Variants in CCNH observed in about 807,000 individuals in gnomAD.
CCNH encodes cyclin-H.
In CCNH, 31 loss-of-function variants were observed where a neutral mutation model predicts 41.9. The ratio of observed to expected loss-of-function variants is 0.74; its 90% CI spans 0.56 to 1.00. CCNH has a LOEUF of 1.00. Among genes scored for constraint, CCNH ranks in the 50% least tolerant of loss-of-function variants. CCNH has a pLI of 0.00. For missense variants in CCNH, 362 were observed against 388.4 expected, an observed-to-expected ratio of 0.93 and a Z score of 0.57; for synonymous variants, 138 against 136.1, an observed-to-expected ratio of 1.01 and a Z score of -0.10.
At chr5:87,371,410 G>A (rs1412011895), downstream of CCNH, among the ~76,000 whole-genome samples, 1 of 152,004 alleles carries the variant, frequency 6.6e-6, no homozygotes, top group Non-Finnish European at 1.5e-5. Flanking sequence ...TAAAGCAATA[G>A]TACACAGCTT....
chr5:87,363,462 G>A, intron 9 of CCNH: 4 of 1,612,610 alleles, frequency 2.5e-6, no homozygotes, highest in Non-Finnish European at 3.4e-6. Context: ...ATAGATCTCA[G>A]TGTATGTTCT....
chr5:87,344,759 T>G (rs7700302), intron 9 of CCNH, among the ~76,000 whole-genome samples: 4,813 of 150,202 alleles, frequency 0.032, 159 homozygotes, highest in African/African-American at 0.075. Context: ...CCTCAAGTGA[T>G]CCTCCCACCT....
downstream of CCNH, chr5:87,389,470 T>A: frequency 6.2e-7 from 1 of 1,614,100 alleles, no homozygotes; most frequent in East Asian, 2.2e-5. Context: ...TGCATGAGAT[T>A]TGCGTGGCTC....
chr5:87,372,035 A>T, downstream of CCNH: 1 of 1,114,644 alleles, frequency 9.0e-7, no homozygotes. Context: ...AAATTGTTGA[A>T]TTTGAAAAAA....
chr5:87,357,566 G>A (rs1425449230), intron 9 of CCNH, among the ~76,000 whole-genome samples: 1 of 152,126 alleles, frequency 6.6e-6, no homozygotes, highest in Non-Finnish European at 1.5e-5. Context: ...TTAGCTGGGT[G>A]TGGTGACATG....
chr5:87,335,428 T>C lies in CCNH; in HGVS notation c.*91-16531A>G, dbSNP rs540858694. Among the ~76,000 whole-genome samples the C allele has an allele frequency of 3.5e-5, 5 of 142,792 alleles. No homozygotes were observed. The East Asian group carries it at 1.0e-3, about 29-fold the overall frequency. The allele number at this position is 142,792 out of a possible 152,430, so 93.7% of individuals were successfully genotyped here. A position where few individuals can be genotyped will look rare whatever the true frequency, so the allele number is the denominator to read the frequency against. Reference sequence around the variant, plus strand: ...GATAATAAAGAATGAGGTTTTTTTTTTTTTTTTTTTTTTTTTGTGACAGTT... The same window carrying C: ...GATAATAAAGAATGAGGTTTTTTTTCTTTTTTTTTTTTTTTTGTGACAGTT... On this transcript the variant is annotated intron_variant and NMD_transcript_variant, in intron 9 of 9. Coordinates refer to the CCNH transcript ENST00000645953.
intron 7 of CCNH, 149 bp from the exon 8 acceptor site, chr5:87,395,253 A>G: frequency 1.8e-6 from 1 of 548,876 alleles, no homozygotes; most frequent in Non-Finnish European, 3.2e-6. Flanking sequence ...GCTATGGGGT[A>G]GGGAAAATGA....
chr5:87,394,375 A>G lies in CCNH; in HGVS notation c.*71T>C. ...TATGTTTTCACATTATACTTTTTAA[A>G]TAAAGTTAAACGTTTGATATGCTTC... is the stretch of plus-strand genomic sequence containing the variant. On this transcript the variant is annotated 3_prime_UTR_variant, in exon 9 of 9. Transcript: ENST00000256897. The G allele has an allele frequency of 6.4e-7, 1 of 1,560,166 alleles. No individual in the cohort carries two copies. Among genetic ancestry groups the G allele is most frequent in the Non-Finnish European group, 8.7e-7 (1 of 1,153,986 alleles).
downstream of CCNH, chr5:87,391,574 TTTG>T (rs1478125181): frequency 4.2e-6 from 1 of 235,676 alleles, no homozygotes; most frequent in African/African-American, 2.2e-5. Flanking sequence ...CTCATAATGC[TTTG>T]TTAAATGTTT....
At chr5:87,333,962 T>C (rs1247963486) in intron 9 of CCNH, among the ~76,000 whole-genome samples, 1 of 152,176 alleles carries the variant, frequency 6.6e-6, no homozygotes, top group East Asian at 1.9e-4. Flanking sequence ...ATTACAAATT[T>C]ATGAATTTAG....
the CCNH span, among the ~76,000 whole-genome samples, chr5:87,312,824 C>G: frequency 1.3e-5 from 2 of 152,110 alleles, no homozygotes; most frequent in Non-Finnish European, 2.9e-5. Flanking sequence ...AGAACTCTTT[C>G]TTTGATCTTG....
intron 9 of CCNH, among the ~76,000 whole-genome samples, chr5:87,350,764 T>C (rs1358431655): frequency 2.0e-5 from 3 of 151,646 alleles, no homozygotes; most frequent in African/African-American, 7.2e-5. Flanking sequence ...GCCTTGACCA[T>C]TCCCCCAGAA....
At chr5:87,403,228 G>GAAAAAAAAAAAAAAAAAA (rs72291520) in intron 5 of CCNH, among the ~76,000 whole-genome samples, 3 of 124,468 alleles carry the variant, frequency 2.4e-5, no homozygotes, top group Non-Finnish European at 3.4e-5. Flanking sequence ...TTCCCTAAAG[G>GAAAAAAAAAAAAAAAAAA]AAAAAAAAAA....
At chr5:87,389,077 T>C (rs987399937), downstream of CCNH, among the ~76,000 whole-genome samples, 5 of 152,186 alleles carry the variant, frequency 3.3e-5, no homozygotes, top group African/African-American at 9.7e-5. Context: ...TAAGAATCTT[T>C]AGAATTTTAA....
downstream of CCNH, chr5:87,386,988 A>G (rs960022137): frequency 4.8e-6 from 6 of 1,253,722 alleles, no homozygotes; most frequent in Non-Finnish European, 6.9e-6. Flanking sequence ...ATCTTTAGAA[A>G]GATTTTCTAT....
At chr5:87,378,578 CAT>C (rs1761477682), upstream of CCNH, 12 of 1,548,178 alleles carry the variant, frequency 7.8e-6, no homozygotes, top group Middle Eastern at 1.7e-4. Flanking sequence ...TTGCAAAGAA[CAT>C]ATTTTAATAG....
At position 87,352,916 on chromosome 5, in the gene CCNH, G is replaced by A. The variant is rs746893103; in HGVS notation, c.*91-34019C>T. On this transcript the variant is annotated intron_variant and NMD_transcript_variant, in intron 9 of 9. Coordinates refer to the CCNH transcript ENST00000645953. ...GTATTGTTGACCTGGCTGCCCACTT[G>A]ATGGGTATGGAAAATCAGAATCTGG... 4.0e-5 allele frequency among the ~76,000 whole-genome samples: 6 copies of A among 151,814 alleles called. No homozygotes were observed. In the East Asian group the frequency reaches 1.2e-3, roughly 29 times the overall value.
chr5:87,372,225 T>C (rs946257430), downstream of CCNH: 2 of 1,585,390 alleles, frequency 1.3e-6, no homozygotes, highest in African/African-American at 1.3e-5. Context: ...GATTTTTAAT[T>C]GTCACATTTT....
chr5:87,338,090 T>TTTA (rs765244832), intron 9 of CCNH: 5 of 1,611,794 alleles, frequency 3.1e-6, no homozygotes, highest in Non-Finnish European at 4.2e-6. Flanking sequence ...GTAGAAGAGG[T>TTTA]GGTAAGTTTT....
Sources: gnomAD v4.1 joint callset for allele counts (sites outside exome capture counted in the v4.1 genomes callset) on GRCh38, gnomAD v4.1.1 for gene constraint, MANE v1.5 for transcripts, NCBI Gene and HGNC (gene_info 2026-07-23, HGNC 2026-07-21) for gene names.